Variants in FSTL5 observed in about 807,000 individuals in gnomAD.
FSTL5 encodes the protein follistatin like 5.
FSTL5 carries 62 observed loss-of-function variants against 89.1 expected under a neutral mutation model. The ratio of observed to expected loss-of-function variants is 0.70; its 90% CI spans 0.57 to 0.86. The LOEUF is 0.86. FSTL5 is among the 40% of genes least tolerant of loss of function. The pLI is 0.00. For synonymous variants in FSTL5, 383 were observed against 346.2 expected, an observed-to-expected ratio of 1.11 and a Z score of -1.18; for missense variants, 1,057 against 1,001.6, an observed-to-expected ratio of 1.06 and a Z score of -0.75.
intron 6 of FSTL5, among the ~76,000 whole-genome samples, chr4:161,696,019 A>G (rs541254138): frequency 6.6e-6 from 1 of 152,310 alleles, no homozygotes; most frequent in Non-Finnish European, 1.5e-5. Context: ...GTTCTTCGTC[A>G]TGAAATATTT....
At chr4:161,996,396 T>A (rs918183456) in intron 3 of FSTL5, among the ~76,000 whole-genome samples, 1 of 152,160 alleles carries the variant, frequency 6.6e-6, no homozygotes, top group Non-Finnish European at 1.5e-5. Context: ...TCTCTTCCTT[T>A]CCTCTCACAA....
intron 4 of FSTL5, among the ~76,000 whole-genome samples, chr4:161,832,376 A>G (rs1480963675): frequency 2.0e-5 from 3 of 152,154 alleles, no homozygotes; most frequent in African/African-American, 4.8e-5. Flanking sequence ...CTTTGGTATC[A>G]GGATGATGCT....
At chr4:161,583,991 C>T (rs575254253) in intron 8 of FSTL5, among the ~76,000 whole-genome samples, 1 of 152,186 alleles carries the variant, frequency 6.6e-6, no homozygotes, top group South Asian at 2.1e-4. Context: ...AACTATTCCC[C>T]TACTTACTCA....
chr4:161,920,760 A>G, intron 3 of FSTL5, 108 bp from the exon 4 acceptor site: 4 of 1,071,658 alleles, frequency 3.7e-6, no homozygotes, highest in African/African-American at 1.6e-5. Flanking sequence ...AGTATAGTAT[A>G]GTGTATTCAG....
At chr4:161,398,347 A>T (rs1731072313) in intron 15 of FSTL5, among the ~76,000 whole-genome samples, 1 of 152,056 alleles carries the variant, frequency 6.6e-6, no homozygotes, top group African/African-American at 2.4e-5. Flanking sequence ...ATTAGTACTG[A>T]CACAGAGATG....
chr4:162,092,544 T>C (rs1252360383), intron 2 of FSTL5, among the ~76,000 whole-genome samples: 2 of 152,138 alleles, frequency 1.3e-5, no homozygotes, highest in African/African-American at 4.8e-5. Flanking sequence ...ATAGCAATAA[T>C]ACAACACTGA....
chr4:161,549,844 T>A (rs1329903737), intron 8 of FSTL5, among the ~76,000 whole-genome samples: 1 of 151,980 alleles, frequency 6.6e-6, no homozygotes, highest in African/African-American at 2.4e-5. Context: ...TTCAAATATG[T>A]GCAAAGTTAA....
At chr4:161,781,517 C>T (rs1489334933) in intron 4 of FSTL5, among the ~76,000 whole-genome samples, 1 of 152,128 alleles carries the variant, frequency 6.6e-6, no homozygotes, top group Non-Finnish European at 1.5e-5. Flanking sequence ...CACTTACACA[C>T]ACCACATTAG....
intron 12 of FSTL5, among the ~76,000 whole-genome samples, chr4:161,489,385 C>T (rs1729789528): frequency 6.6e-6 from 1 of 151,268 alleles, no homozygotes; most frequent in Admixed American, 6.6e-5. Context: ...AGAGTTAGGT[C>T]CAAAAAATAG....
intron 5 of FSTL5, among the ~76,000 whole-genome samples, chr4:161,761,870 T>C (rs753828868): frequency 2.0e-5 from 3 of 152,234 alleles, no homozygotes; most frequent in Non-Finnish European, 4.4e-5. Flanking sequence ...ATTTGCTCTT[T>C]TATCTCATTT....
intron 4 of FSTL5, among the ~76,000 whole-genome samples, chr4:161,827,563 A>T (rs2126857420): frequency 6.6e-6 from 1 of 152,188 alleles, no homozygotes; most frequent in African/African-American, 2.4e-5. Context: ...GTAGAGAAAG[A>T]CCATCAGGTT....
chr4:161,720,747 A>T (rs555093728), intron 6 of FSTL5, among the ~76,000 whole-genome samples: 1 of 152,298 alleles, frequency 6.6e-6, no homozygotes, highest in South Asian at 2.1e-4. Context: ...ATTATGCTAC[A>T]TTAAATATGC....
At chr4:162,041,268 A>G (rs1737944375) in intron 2 of FSTL5, among the ~76,000 whole-genome samples, 1 of 151,766 alleles carries the variant, frequency 6.6e-6, no homozygotes. Context: ...CATTCTGTCT[A>G]GAGGACATAG....
At chr4:161,906,252 C>T (rs905149543) in intron 4 of FSTL5, among the ~76,000 whole-genome samples, 4 of 152,092 alleles carry the variant, frequency 2.6e-5, no homozygotes, top group Admixed American at 1.3e-4. Context: ...TACTAGTTAT[C>T]GGCGGTTAAA....
At chr4:161,654,898 T>C (rs1736464245) in intron 7 of FSTL5, among the ~76,000 whole-genome samples, 1 of 152,172 alleles carries the variant, frequency 6.6e-6, no homozygotes, top group Admixed American at 6.5e-5. Flanking sequence ...ATGCTCACTC[T>C]AAACAGGTAG....
At chr4:161,917,822 C>T (rs1733882701) in intron 4 of FSTL5, among the ~76,000 whole-genome samples, 2 of 152,148 alleles carry the variant, frequency 1.3e-5, no homozygotes, top group South Asian at 4.1e-4. Context: ...ACTCTCCTTT[C>T]CCAATGGGTG....
At chr4:161,984,781 T>C (rs754680028) in intron 3 of FSTL5, among the ~76,000 whole-genome samples, 6 of 152,132 alleles carry the variant, frequency 3.9e-5, no homozygotes, top group Non-Finnish European at 8.8e-5. Flanking sequence ...ATATTTGTAC[T>C]GTCTTTACTA....
At chr4:161,903,720 G>A (rs1733437777) in intron 4 of FSTL5, among the ~76,000 whole-genome samples, 1 of 151,616 alleles carries the variant, frequency 6.6e-6, no homozygotes, top group African/African-American at 2.4e-5. Context: ...TTTAGCTATA[G>A]ACAGTAAGCC....
chr4:161,774,207 T>C (rs1741314947), intron 5 of FSTL5, among the ~76,000 whole-genome samples: 1 of 152,118 alleles, frequency 6.6e-6, no homozygotes, highest in Non-Finnish European at 1.5e-5. Context: ...CATGTGACTA[T>C]AGAAGCAGAT....
Sources: allele counts gnomAD v4.1 joint callset (sites outside exome capture counted in the v4.1 genomes callset), GRCh38; gene constraint gnomAD v4.1.1; transcripts MANE v1.5; gene names NCBI Gene and HGNC (gene_info 2026-07-23, HGNC 2026-07-21).